KANK4: variants seen among roughly 807,000 people sequenced by gnomAD.
KANK4 encodes KN motif and ankyrin repeat domain-containing protein 4.
Under a neutral mutation model 80.8 loss-of-function variants are expected in KANK4, and 50 were observed. The ratio of observed to expected loss-of-function variants is 0.62; its 90% CI spans 0.49 to 0.78. The LOEUF is 0.78. Among genes scored for constraint, KANK4 ranks in the 30% least tolerant of loss-of-function variants. The pLI, the probability that KANK4 is intolerant of heterozygous loss-of-function variation, is 0.00. For synonymous variants in KANK4, 465 were observed against 506.9 expected (o/e 0.92, Z 1.11); for missense variants, 1,196 against 1,240.1 (o/e 0.96, Z 0.53).
intron 8 of KANK4, among the ~76,000 whole-genome samples, chr1:62,249,981 A>ATTTT (rs1450728511): frequency 3.4e-5 from 5 of 149,054 alleles, no homozygotes; most frequent in African/African-American, 1.2e-4. Context: ...CTGTGTGTAT[A>ATTTT]TTTCTTTTCT....
intron 1 of KANK4, among the ~76,000 whole-genome samples, chr1:62,315,815 C>A (rs972232565): frequency 6.6e-6 from 1 of 152,176 alleles, no homozygotes; most frequent in South Asian, 2.1e-4. Flanking sequence ...CCCCACCATA[C>A]CTACCGAAGT....
Position 62,274,195 on chromosome 1 carries a change from G to C in KANK4, c.909C>G (p.Ile303Met). The C allele has an allele frequency of 6.2e-7, 1 of 1,614,138 alleles. No individual in the cohort carries two copies. The highest frequency in any genetic ancestry group is 8.5e-7 in the Non-Finnish European group (1 of 1,180,036). ...GTGGAATCTCGCTGATGTTGAGCTC[G>C]ATTTCTTCCAGGAGGAGCTCATTCT... The part of the protein sequence containing the change: ...IPENELLLEE[I>M]ELNISEIPPP... Residue 303 changes from isoleucine to methionine, a missense_variant, in exon 3 of 10, where the codon ATC (isoleucine) becomes ATG (methionine). This residue lies in a region of KANK4 where 1,154 missense variants were observed against 1,179.6 expected (regional missense o/e 0.98). Transcript: ENST00000371153.
At chr1:62,313,872 A>T (rs561653256) in intron 1 of KANK4, among the ~76,000 whole-genome samples, 3 of 151,730 alleles carry the variant, frequency 2.0e-5, no homozygotes, top group South Asian at 4.2e-4. Flanking sequence ...AAAATAATAA[A>T]TTTTTTTTTA....
chr1:62,306,499 C>T (rs1429394405), intron 1 of KANK4, among the ~76,000 whole-genome samples: 2 of 151,942 alleles, frequency 1.3e-5, no homozygotes, highest in Non-Finnish European at 2.9e-5. Flanking sequence ...AGATCAATTT[C>T]CTCCAAACTG....
chr1:62,285,392 C>T (rs1336180895), intron 1 of KANK4, among the ~76,000 whole-genome samples: 2 of 152,206 alleles, frequency 1.3e-5, no homozygotes, highest in South Asian at 2.1e-4. Flanking sequence ...CCAACTCCTG[C>T]AGCATTTATC....
Position 62,266,785 on chromosome 1 carries a change from G to C in KANK4, c.2266C>G (p.Arg756Gly), listed in dbSNP as rs144855300. The C allele has an allele frequency of 1.2e-6, 2 of 1,612,172 alleles. No individual in the cohort carries two copies. Among genetic ancestry groups the C allele is most frequent in the Non-Finnish European group, 1.7e-6 (2 of 1,178,340 alleles). ...TCTGGCAGATGCTGGCTCAGTGCCCGGCATGCATTAAGAAATTCTTCTGAG... is the reference window on the plus strand; with the variant it reads ...TCTGGCAGATGCTGGCTCAGTGCCCCGCATGCATTAAGAAATTCTTCTGAG... ...KPSEEFLNAC[R>G]ALSQHLPETG... is the part of the protein sequence containing the mutation. The change falls in exon 6 of 10, where the codon CGG (arginine) becomes GGG (glycine). Residue 756 changes from arginine (R) to glycine (G), a missense_variant. Arg to Gly is a moderately radical substitution (Grantham distance 125). Coordinates refer to ENST00000371153, the MANE Select transcript of KANK4 (RefSeq NM_181712.5).
At chr1:62,250,691 C>T (rs1433998179) in intron 8 of KANK4, among the ~76,000 whole-genome samples, 1 of 135,570 alleles carries the variant, frequency 7.4e-6, no homozygotes, top group African/African-American at 2.7e-5. Context: ...AGCAACCCCT[C>T]TTACAAGAGG....
intron 2 of KANK4, among the ~76,000 whole-genome samples, chr1:62,275,964 C>T (rs34477066): frequency 6.7e-6 from 1 of 150,096 alleles, no homozygotes; most frequent in African/African-American, 2.5e-5. Flanking sequence ...AGAAAGAAAT[C>T]GCATTTTTCA....
intron 1 of KANK4, among the ~76,000 whole-genome samples, chr1:62,310,329 G>A (rs372158153): frequency 6.6e-6 from 1 of 152,268 alleles, no homozygotes; most frequent in East Asian, 1.9e-4. Flanking sequence ...AATTGCGTAG[G>A]AGCCTAGTGC....
chr1:62,242,561 G>A (rs1450560300), intron 9 of KANK4, among the ~76,000 whole-genome samples: 1 of 151,996 alleles, frequency 6.6e-6, no homozygotes, highest in Non-Finnish European at 1.5e-5. Context: ...CTTTAAAGAA[G>A]CTGCCAAAAT....
At chr1:62,312,810 G>A (rs1644508183) in intron 1 of KANK4, among the ~76,000 whole-genome samples, 1 of 152,234 alleles carries the variant, frequency 6.6e-6, no homozygotes, top group Non-Finnish European at 1.5e-5. Flanking sequence ...AGGGCAAGGG[G>A]TGGGTTGGCA....
At chr1:62,314,554 T>C (rs1221895317) in intron 1 of KANK4, among the ~76,000 whole-genome samples, 1 of 152,062 alleles carries the variant, frequency 6.6e-6, no homozygotes, top group African/African-American at 2.4e-5. Flanking sequence ...CTTTTATCCT[T>C]GTGTGGAGCA....
At chr1:62,272,822 GCT>G (rs1672197149) in intron 3 of KANK4, 1 of 148,594 alleles carries the variant, frequency 6.7e-6, no homozygotes, top group South Asian at 2.2e-4. Context: ...ATGGAGTCTT[GCT>G]CTGTCACCCA....
At chr1:62,253,697 C>A (rs925926771) in intron 7 of KANK4, among the ~76,000 whole-genome samples, 1 of 152,182 alleles carries the variant, frequency 6.6e-6, no homozygotes, top group African/African-American at 2.4e-5. Context: ...CAGGCATGAG[C>A]CACCGCGCCC....
chr1:62,271,211 C>G (rs577760771), intron 4 of KANK4, among the ~76,000 whole-genome samples: 4 of 152,112 alleles, frequency 2.6e-5, no homozygotes, highest in Non-Finnish European at 5.9e-5. Flanking sequence ...CCGTATACCC[C>G]CAAAACTCCC....
rs2149140212 is a variant in KANK4 at position 62,271,473 on chromosome 1, C to A, written c.2012+5G>T. Reference sequence around the variant, plus strand: ...GGCAGTCTGAGCTTCACAAGCGATGCTTACCCACCGTTAACCCCAACAAAC... The same window carrying A: ...GGCAGTCTGAGCTTCACAAGCGATGATTACCCACCGTTAACCCCAACAAAC... On this transcript the variant is annotated splice_donor_5th_base_variant and intron_variant, in intron 4 of 9. Transcript: ENST00000371153. The A allele has an allele frequency of 2.5e-6, 4 of 1,595,010 alleles. No homozygotes were observed. Among genetic ancestry groups the A allele is most frequent in the Non-Finnish European group, 3.4e-6 (4 of 1,162,658 alleles).
rs2149108602 is a variant in KANK4, at chr1:62,236,325, A to T, written c.*1952T>A. Among the ~76,000 whole-genome samples, 1 of 152,314 alleles carries T rather than the reference A, an allele frequency of 6.6e-6. No individual in the cohort carries two copies. The highest frequency in any genetic ancestry group is 2.1e-4 in the South Asian group (1 of 4,822). ...ACCTACTGCCTTCTAACAAGATCCC[A>T]GGTGATTTGTATGCACATAAATGTT... is the stretch of plus-strand genomic sequence containing the variant. On this transcript the variant is annotated 3_prime_UTR_variant, in exon 10 of 10. Transcript: ENST00000371153.
At chr1:62,275,595 T>C (rs1672291091) in intron 2 of KANK4, among the ~76,000 whole-genome samples, 1 of 152,246 alleles carries the variant, frequency 6.6e-6, no homozygotes, top group South Asian at 2.1e-4. Context: ...TAAATCTTGC[T>C]AAAGCCGGAG....
In KANK4 at chr1:62,247,668, C is replaced by T. The variant is rs780852436; in HGVS notation, c.2687G>A (p.Gly896Asp). 1 of 1,613,330 alleles carries T rather than the reference C, an allele frequency of 6.2e-7. No individual in the cohort carries two copies. The highest frequency in any genetic ancestry group is 8.5e-7 in the Non-Finnish European group (1 of 1,180,016). ...GACTCCCAGCATCAGCGCAGTCTGG[C>T]CTCCCTGCATGCAGAGCCACAGGGA... Reference protein sequence around the residue: ...GNVNIQATQGGQTALMLGVSH... With the variant: ...GNVNIQATQGDQTALMLGVSH... Residue 896 changes from glycine (G) to aspartate (D), a missense_variant, in exon 9 of 10, where the codon GGC becomes GAC. Coordinates refer to ENST00000371153, the MANE Select transcript of KANK4 (RefSeq NM_181712.5).
Sources: gnomAD v4.1 joint callset for allele counts (sites outside exome capture counted in the v4.1 genomes callset) on GRCh38, gnomAD v4.1.1 for gene constraint, gnomAD v4.1.1 regional missense constraint, MANE v1.5 for transcripts, NCBI Gene and HGNC (gene_info 2026-07-23, HGNC 2026-07-21) for gene names.